ATP6V0D2: variants seen among roughly 807,000 people sequenced by gnomAD.
ATP6V0D2 encodes V-type proton ATPase subunit d 2.
Under a neutral mutation model 40.0 loss-of-function variants are expected in ATP6V0D2, and 40 were observed. The ratio of observed to expected loss-of-function variants is 1.00; its 90% CI spans 0.78 to 1.30. The LOEUF is 1.30. Ranked by LOEUF, ATP6V0D2 falls within the 50% of genes most tolerant of loss-of-function variation. ATP6V0D2 has a pLI of 0.00. For synonymous variants in ATP6V0D2, 179 were observed against 156.3 expected (o/e 1.15, Z -1.08); for missense variants, 470 against 423.1 (o/e 1.11, Z -0.97).
At chr8:86,132,954 A>G (rs1818846802) in intron 2 of ATP6V0D2, among the ~76,000 whole-genome samples, 1 of 152,142 alleles carries the variant, frequency 6.6e-6, no homozygotes, top group African/African-American at 2.4e-5. Context: ...ATGGTGTATA[A>G]GAATCTCCTT....
chr8:86,152,237 T>C (rs1303665029), intron 7 of ATP6V0D2, among the ~76,000 whole-genome samples: 1 of 152,192 alleles, frequency 6.6e-6, no homozygotes, highest in Non-Finnish European at 1.5e-5. Context: ...TCCATGTCCC[T>C]GCAAAGGACA....
chr8:86,143,190 T>G (rs760903417), intron 5 of ATP6V0D2, among the ~76,000 whole-genome samples: 8 of 152,158 alleles, frequency 5.3e-5, no homozygotes, highest in Non-Finnish European at 1.0e-4. Context: ...AATTAGAAAA[T>G]AATAATGTTT....
chr8:86,148,103 G>A (rs923912431), intron 5 of ATP6V0D2, among the ~76,000 whole-genome samples: 20 of 152,200 alleles, frequency 1.3e-4, no homozygotes, highest in South Asian at 1.0e-3. Context: ...AATTCTCTTC[G>A]TAAGATCATG....
chr8:86,127,826 G>A (rs1818767110), intron 2 of ATP6V0D2, among the ~76,000 whole-genome samples: 1 of 152,182 alleles, frequency 6.6e-6, no homozygotes, highest in Non-Finnish European at 1.5e-5. Flanking sequence ...CAAAATGGTT[G>A]TCATTAAGAA....
intron 1 of ATP6V0D2, among the ~76,000 whole-genome samples, chr8:86,112,884 T>G (rs1437002511): frequency 6.6e-6 from 1 of 152,144 alleles, no homozygotes; most frequent in Non-Finnish European, 1.5e-5. Flanking sequence ...CCTACTTCAG[T>G]CTCATTAGAT....
intron 2 of ATP6V0D2, among the ~76,000 whole-genome samples, chr8:86,125,279 G>A (rs766337685): frequency 2.0e-5 from 3 of 152,112 alleles, no homozygotes; most frequent in Non-Finnish European, 2.9e-5. Flanking sequence ...TCAACCACCA[G>A]GAGGCGATAT....
intron 1 of ATP6V0D2, among the ~76,000 whole-genome samples, chr8:86,101,285 C>T (rs1818393640): frequency 6.6e-6 from 1 of 151,604 alleles, no homozygotes; most frequent in Non-Finnish European, 1.5e-5. Flanking sequence ...ACAGCAAGAC[C>T]TCGTCTCTAC....
At chr8:86,128,461 T>C (rs186265301) in intron 2 of ATP6V0D2, among the ~76,000 whole-genome samples, 1 of 152,324 alleles carries the variant, frequency 6.6e-6, no homozygotes, top group East Asian at 1.9e-4. Context: ...CATCACCAAG[T>C]TAAATGTTCT....
chr8:86,119,251 G>A (rs1008042972), intron 2 of ATP6V0D2, among the ~76,000 whole-genome samples: 15 of 28,180 alleles, frequency 5.3e-4, no homozygotes, highest in Non-Finnish European at 1.1e-3. Flanking sequence ...TTTTTTTTTT[G>A]AGATGGAGTC....
At position 86,115,358 on chromosome 8, in the gene ATP6V0D2, A is replaced by T. The variant is rs374629395; in HGVS notation, c.302+1478A>T. ...CTTTCTTTGTCCTTCCGTATCATCCATTTTTTTTTTTTTTTTTTTTTTTTT... is the reference window on the plus strand; with the variant it reads ...CTTTCTTTGTCCTTCCGTATCATCCTTTTTTTTTTTTTTTTTTTTTTTTTT... On this transcript the variant is annotated intron_variant, in intron 2 of 7. Transcript: ENST00000285393. Among the ~76,000 whole-genome samples the T allele has an allele frequency of 4.9e-3, 360 of 73,190 alleles. 3 individuals carry two copies. Among genetic ancestry groups the T allele is most frequent in the Middle Eastern group, 0.013 (1 of 78 alleles). The allele number at this position is 73,190 out of a possible 152,430, so 48.0% of individuals were successfully genotyped here. A position where few individuals can be genotyped will look rare whatever the true frequency, so the allele number is the denominator to read the frequency against.
intron 2 of ATP6V0D2, among the ~76,000 whole-genome samples, chr8:86,115,956 C>T (rs1563557523): frequency 1.3e-5 from 2 of 152,074 alleles, no homozygotes; most frequent in African/African-American, 4.8e-5. Context: ...AAAACCAATG[C>T]AAATTTCCTA....
chr8:86,100,764 T>G (rs1201269377), intron 1 of ATP6V0D2, among the ~76,000 whole-genome samples: 1 of 152,002 alleles, frequency 6.6e-6, no homozygotes, highest in Non-Finnish European at 1.5e-5. Flanking sequence ...GGAGACATTT[T>G]AATGAATTCT....
intron 4 of ATP6V0D2, 131 bp downstream of exon 4, chr8:86,141,660 C>T (rs1484979740): frequency 3.2e-6 from 2 of 622,130 alleles, no homozygotes; most frequent in Non-Finnish European, 5.3e-6. Flanking sequence ...TGGAATATAG[C>T]TTTTATAGTT....
intron 2 of ATP6V0D2, among the ~76,000 whole-genome samples, chr8:86,114,816 GA>G (rs1233063120): frequency 6.6e-6 from 1 of 152,034 alleles, no homozygotes; most frequent in East Asian, 1.9e-4. Flanking sequence ...GAAAAACTGG[GA>G]ACAAAGACAC....
chr8:86,112,442 C>A (rs1256355942), intron 1 of ATP6V0D2, among the ~76,000 whole-genome samples: 1 of 152,158 alleles, frequency 6.6e-6, no homozygotes, highest in Non-Finnish European at 1.5e-5. Flanking sequence ...TGATCTTGAA[C>A]AAGTTACTAA....
chr8:86,147,417 A>C (rs571475904), intron 5 of ATP6V0D2, among the ~76,000 whole-genome samples: 1 of 152,316 alleles, frequency 6.6e-6, no homozygotes, highest in East Asian at 1.9e-4. Flanking sequence ...AAGTAAAAGG[A>C]AAGTCATGGG....
intron 1 of ATP6V0D2, among the ~76,000 whole-genome samples, chr8:86,110,283 C>T (rs1346365689): frequency 2.0e-5 from 3 of 152,016 alleles, no homozygotes; most frequent in South Asian, 2.1e-4. Context: ...TTAGTAGAGA[C>T]GGGGTTTCAC....
chr8:86,114,350 T>C (rs1349395804), intron 2 of ATP6V0D2, among the ~76,000 whole-genome samples: 2 of 152,196 alleles, frequency 1.3e-5, no homozygotes, highest in African/African-American at 2.4e-5. Flanking sequence ...GTGGTTCCAA[T>C]TGTGCAACAC....
rs147883906 is a variant in ATP6V0D2, at chr8:86,117,519, T to G, written c.302+3639T>G. Among the ~76,000 whole-genome samples, 5 of 152,376 alleles carry G rather than the reference T, an allele frequency of 3.3e-5. No individual in the cohort carries two copies. The East Asian group carries it at 9.6e-4, about 29-fold the overall frequency. ...AGGAATTGTGGATATACCTGAGGCA[T>G]GACTTTAGTGCGGATGTTTCTTGTT... On this transcript the variant is annotated intron_variant, in intron 2 of 7. Transcript: ENST00000285393.
Sources: gnomAD v4.1 joint callset for allele counts (sites outside exome capture counted in the v4.1 genomes callset) on GRCh38, gnomAD v4.1.1 for gene constraint, MANE v1.5 for transcripts, NCBI Gene and HGNC (gene_info 2026-07-23, HGNC 2026-07-21) for gene names.